SYT1: variants seen among roughly 807,000 people sequenced by gnomAD.
The protein encoded by SYT1 is synaptotagmin 1.
SYT1 carries 8 observed loss-of-function variants against 44.8 expected under a neutral mutation model. That is an observed-to-expected ratio of 0.18 (90% CI 0.10 to 0.32). SYT1 has a LOEUF of 0.32. Among genes scored for constraint, SYT1 ranks in the 10% least tolerant of loss-of-function variants. The pLI, the probability that SYT1 is intolerant of heterozygous loss-of-function variation, is 1.00. For synonymous variants in SYT1, 154 were observed against 188.8 expected, an observed-to-expected ratio of 0.82 and a Z score of 1.51; for missense variants, 286 against 509.3, an observed-to-expected ratio of 0.56 and a Z score of 4.22.
At chr12:79,316,191 A>G (rs928052706) in intron 8 of SYT1, among the ~76,000 whole-genome samples, 1 of 152,198 alleles carries the variant, frequency 6.6e-6, no homozygotes, top group Non-Finnish European at 1.5e-5. Flanking sequence ...GCAAGCTCCT[A>G]GAGGTAACTT....
intron 9 of SYT1, among the ~76,000 whole-genome samples, chr12:79,408,936 TG>T (rs765899198): frequency 5.9e-5 from 9 of 152,100 alleles, no homozygotes; most frequent in Non-Finnish European, 1.0e-4. Context: ...CTCTGTTCTC[TG>T]ATCTCCTCAT....
intron 4 of SYT1, among the ~76,000 whole-genome samples, chr12:79,252,037 A>G (rs1877248921): frequency 6.6e-6 from 1 of 152,040 alleles, no homozygotes. Context: ...GTATCTATAT[A>G]TCTATGGATA....
At chr12:79,229,678 C>G (rs1439972826) in intron 4 of SYT1, among the ~76,000 whole-genome samples, 1 of 151,844 alleles carries the variant, frequency 6.6e-6, no homozygotes, top group Non-Finnish European at 1.5e-5. Context: ...ACTACAACTT[C>G]CGCTTCCCGG....
chr12:79,126,825 G>A (rs538205431), intron 3 of SYT1, among the ~76,000 whole-genome samples: 66 of 152,196 alleles, frequency 4.3e-4, no homozygotes, highest in Middle Eastern at 3.4e-3. Context: ...ATTAGGGTAG[G>A]GTTTACCAGT....
At chr12:78,888,714 G>T (rs1389766389) in intron 1 of SYT1, among the ~76,000 whole-genome samples, 3 of 151,834 alleles carry the variant, frequency 2.0e-5, no homozygotes, top group African/African-American at 4.8e-5. Flanking sequence ...ACTACCTGCT[G>T]ATTGGTTAAT....
intron 4 of SYT1, among the ~76,000 whole-genome samples, chr12:79,230,681 T>C (rs1875817363): frequency 1.3e-5 from 2 of 152,208 alleles, no homozygotes; most frequent in South Asian, 4.1e-4. Context: ...CCTTGGATTT[T>C]GTTTTATAAA....
chr12:79,309,536 A>C (rs1436124977), intron 8 of SYT1, among the ~76,000 whole-genome samples: 1 of 152,332 alleles, frequency 6.6e-6, no homozygotes, highest in East Asian at 1.9e-4. Context: ...TTGTTTGAAC[A>C]TGGAATTGAC....
chr12:79,241,009 T>TA (rs1211650704), intron 4 of SYT1, among the ~76,000 whole-genome samples: 1 of 152,056 alleles, frequency 6.6e-6, no homozygotes, highest in Non-Finnish European at 1.5e-5. Flanking sequence ...CCCATCTCTA[T>TA]AAAAAATTTT....
intron 3 of SYT1, among the ~76,000 whole-genome samples, chr12:79,151,406 A>G (rs1870264246): frequency 6.6e-6 from 1 of 152,200 alleles, no homozygotes. Context: ...TGAATTTGCA[A>G]CTTGAAATTC....
chr12:79,064,980 G>GAAAGAA (rs1565789470), intron 3 of SYT1, among the ~76,000 whole-genome samples: 3 of 141,240 alleles, frequency 2.1e-5, no homozygotes, highest in Non-Finnish European at 3.1e-5. Context: ...AAGAAAGAAA[G>GAAAGAA]AAAGAAAGAA....
intron 8 of SYT1, among the ~76,000 whole-genome samples, chr12:79,308,485 A>C (rs551706083): frequency 6.6e-6 from 1 of 151,806 alleles, no homozygotes; most frequent in African/African-American, 2.4e-5. Flanking sequence ...ACTGCAGCCT[A>C]TACAACAAGA....
At chr12:79,315,176 AT>A (rs949675252) in intron 8 of SYT1, among the ~76,000 whole-genome samples, 1 of 152,046 alleles carries the variant, frequency 6.6e-6, no homozygotes, top group Non-Finnish European at 1.5e-5. Context: ...GCTGTTTCTT[AT>A]TTTTTATTTT....
chr12:79,296,597 TTAAG>T (rs1320930015), intron 7 of SYT1, among the ~76,000 whole-genome samples: 2 of 152,214 alleles, frequency 1.3e-5, no homozygotes, highest in Admixed American at 6.5e-5. Context: ...AATCCCAGGA[TTAAG>T]TAAGCTGTGT....
intron 3 of SYT1, among the ~76,000 whole-genome samples, chr12:79,132,448 CA>C (rs201209266): frequency 1.7e-3 from 189 of 114,040 alleles, no homozygotes; most frequent in Admixed American, 2.6e-3. Context: ...GATTCCGTCT[CA>C]AAAAAAAAAA....
chr12:78,922,607 G>C (rs1026735662), intron 1 of SYT1, among the ~76,000 whole-genome samples: 2 of 151,828 alleles, frequency 1.3e-5, no homozygotes, highest in Admixed American at 6.6e-5. Flanking sequence ...TTAATATTAT[G>C]AAATCATAGA....
intron 2 of SYT1, among the ~76,000 whole-genome samples, chr12:79,046,782 C>T (rs904160223): frequency 1.3e-5 from 2 of 151,708 alleles, no homozygotes; most frequent in Non-Finnish European, 2.9e-5. Context: ...TAGGTTATAT[C>T]TAGATATTGA....
At chr12:79,365,665 T>G (rs1883510343) in intron 9 of SYT1, among the ~76,000 whole-genome samples, 1 of 152,104 alleles carries the variant, frequency 6.6e-6, no homozygotes, top group Admixed American at 6.5e-5. Flanking sequence ...TACTTGCTGC[T>G]GCTTCTACTA....
chr12:79,002,197 TA>T (rs1222899344), intron 2 of SYT1, among the ~76,000 whole-genome samples: 2 of 152,098 alleles, frequency 1.3e-5, no homozygotes, highest in East Asian at 1.9e-4. Context: ...CTTTGCTGTT[TA>T]AAAAAATTTG....
intron 3 of SYT1, among the ~76,000 whole-genome samples, chr12:79,109,079 G>C (rs1440095974): frequency 6.6e-6 from 1 of 152,130 alleles, no homozygotes; most frequent in Non-Finnish European, 1.5e-5. Context: ...CAGGGGCCCT[G>C]CTAGGGTGCT....
Sources: gnomAD v4.1 joint callset for allele counts (sites outside exome capture counted in the v4.1 genomes callset) on GRCh38, gnomAD v4.1.1 for gene constraint, MANE v1.5 for transcripts, NCBI Gene and HGNC (gene_info 2026-07-23, HGNC 2026-07-21) for gene names.